LAMA3: variants seen among roughly 807,000 people sequenced by gnomAD.
The protein encoded by LAMA3 is laminin subunit alpha-3.
Under a neutral mutation model 402.0 loss-of-function variants are expected in LAMA3, and 281 were observed. The observed-to-expected ratio is 0.70, with a 90% confidence interval of 0.63 to 0.77. LAMA3 has a LOEUF of 0.77. Ranked by LOEUF, LAMA3 falls within the 30% of genes least tolerant of loss-of-function variation. The pLI, the probability that LAMA3 is intolerant of heterozygous loss-of-function variation, is 0.00. For synonymous variants in LAMA3, 1,431 were observed against 1,558.4 expected (o/e 0.92, Z 1.93); for missense variants, 3,840 against 4,215.5 (o/e 0.91, Z 2.47).
chr18:23,881,930 C>T lies in LAMA3; in HGVS notation c.5113-6C>T, dbSNP rs1252736137. 3 of 1,598,650 alleles carry T rather than the reference C, an allele frequency of 1.9e-6. No homozygotes were observed. In the African/African-American group the frequency reaches 4.0e-5, roughly 21 times the overall value. Reference sequence around the variant, plus strand: ...GCTGTGAATTGTGCTGTTCACCTGTCCCCAGAACTGTCAGCACAACACCGC... The same window carrying T: ...GCTGTGAATTGTGCTGTTCACCTGTTCCCAGAACTGTCAGCACAACACCGC... On this transcript the variant is annotated splice_polypyrimidine_tract_variant and splice_region_variant and intron_variant, in intron 39 of 74. Coordinates refer to ENST00000313654, the MANE Select transcript of LAMA3 (RefSeq NM_198129.4).
At chr18:23,771,005 G>A (rs916948938) in intron 8 of LAMA3, among the ~76,000 whole-genome samples, 8 of 150,498 alleles carry the variant, frequency 5.3e-5, no homozygotes, top group Non-Finnish European at 8.8e-5. Context: ...TTGGGAAAAC[G>A]GCCATTTAAA....
At chr18:23,698,338 C>A (rs961789316) in intron 1 of LAMA3, among the ~76,000 whole-genome samples, 8 of 151,840 alleles carry the variant, frequency 5.3e-5, no homozygotes, top group Non-Finnish European at 1.0e-4. Context: ...TCCCGAGTAG[C>A]TGGGACTACA....
intron 25 of LAMA3, among the ~76,000 whole-genome samples, chr18:23,837,570 G>GATATATATATATAT (rs56179962): frequency 0.055 from 4,586 of 83,050 alleles, 389 homozygotes; most frequent in East Asian, 0.11. Flanking sequence ...CAGTTAATCA[G>GATATATATATATAT]ATATATATAT....
chr18:23,735,981 C>T (rs2061467348), intron 2 of LAMA3, among the ~76,000 whole-genome samples: 1 of 152,096 alleles, frequency 6.6e-6, no homozygotes, highest in African/African-American at 2.4e-5. Context: ...GCTCCTCTTT[C>T]TTATTTGTTA....
chr18:23,756,010 G>C (rs933451756), intron 6 of LAMA3, among the ~76,000 whole-genome samples: 1 of 152,168 alleles, frequency 6.6e-6, no homozygotes, highest in East Asian at 1.9e-4. Context: ...TGTGGAGTTG[G>C]ACTACATATT....
Position 23,896,754 on chromosome 18 carries a change from C to T in LAMA3, c.5613+1696C>T, listed in dbSNP as rs551789206. Among the ~76,000 whole-genome samples the T allele has an allele frequency of 2.6e-5, 4 of 152,214 alleles. No homozygotes were observed. The South Asian group carries it at 6.2e-4, about 24-fold the overall frequency. On this transcript the variant is annotated intron_variant, in intron 44 of 74. Transcript: ENST00000313654. ...ACAAATCTACAGACCTGGATCTATG[C>T]TGGAATGTTACATACTCTCAACGCC...
At chr18:23,938,469 C>T (rs1430852270) in intron 67 of LAMA3, among the ~76,000 whole-genome samples, 3 of 152,198 alleles carry the variant, frequency 2.0e-5, no homozygotes, top group Non-Finnish European at 4.4e-5. Context: ...AACTCAGTCC[C>T]ATTCAAAAGT....
intron 37 of LAMA3, among the ~76,000 whole-genome samples, chr18:23,869,305 C>T (rs908026234): frequency 6.6e-6 from 1 of 152,178 alleles, no homozygotes; most frequent in Non-Finnish European, 1.5e-5. Context: ...TTTTTGTATA[C>T]TGTTGAAATT....
chr18:23,695,991 T>A (rs1335949405), intron 1 of LAMA3, among the ~76,000 whole-genome samples: 2 of 151,892 alleles, frequency 1.3e-5, no homozygotes, highest in African/African-American at 4.8e-5. Context: ...GTTGGATAAT[T>A]CCTCCACTAC....
chr18:23,929,717 A>T (rs1284832741), intron 64 of LAMA3, among the ~76,000 whole-genome samples: 3 of 152,168 alleles, frequency 2.0e-5, no homozygotes, highest in African/African-American at 7.2e-5. Flanking sequence ...TTTTATTTTT[A>T]AAATGAGCCC....
chr18:23,795,994 ACTCT>A (rs779509714), intron 12 of LAMA3: 4 of 345,974 alleles, frequency 1.2e-5, no homozygotes, highest in South Asian at 4.6e-5. Flanking sequence ...TAGCTCGTTC[ACTCT>A]CTCTCTCTCC....
In LAMA3 at chr18:23,946,239, C is replaced by G. The variant is rs2082708126; in HGVS notation, c.9306C>G (p.Ile3102Met). The G allele has an allele frequency of 1.9e-6, 3 of 1,614,114 alleles. No homozygotes were observed. The East Asian group carries it at 6.7e-5, about 36-fold the overall frequency. The change falls in exon 70 of 75, where the codon ATC becomes ATG. Residue 3102 changes from isoleucine to methionine, a missense_variant. Around this residue, in one of 3 missense-constraint regions of LAMA3, gnomAD observed 840 missense variants for 981.9 expected, o/e 0.86. Transcript: ENST00000313654. ...TGCCTGGAAACTCCACCATCAGCAT[C>G]AGAGCGCCAGTTTACCTGGGATCAC... Reference protein sequence around the residue: ...GSLPGNSTISIRAPVYLGSPP... With the variant: ...GSLPGNSTISMRAPVYLGSPP...
Position 23,921,188 on chromosome 18 carries a change from C to A in LAMA3, c.8043+134C>A. The A allele has an allele frequency of 5.5e-6, 6 of 1,086,116 alleles. 1 individual carries two copies. In the African/African-American group the frequency reaches 9.5e-5, roughly 17 times the overall value. 67.3% of individuals were successfully genotyped at this position (1,086,116 alleles called of 1,614,324 possible). On this transcript the variant is annotated intron_variant, in intron 61 of 74. Transcript: ENST00000313654. ...TATGGATGTTAACTGAGGGATATAT[C>A]CTTTTAAAATTTGCACATTTCGGCA...
chr18:23,701,340 GT>G (rs1197255788), intron 1 of LAMA3, among the ~76,000 whole-genome samples: 1 of 152,196 alleles, frequency 6.6e-6, no homozygotes, highest in African/African-American at 2.4e-5. Flanking sequence ...CGGGCAAGTG[GT>G]CAGAAGTTAG....
At chr18:23,875,009 A>G (rs2064658914) in intron 38 of LAMA3, among the ~76,000 whole-genome samples, 1 of 152,122 alleles carries the variant, frequency 6.6e-6, no homozygotes, top group African/African-American at 2.4e-5. Context: ...GACTATAGGC[A>G]TGTGCCACCA....
intron 44 of LAMA3, 49 bp from the exon 45 acceptor site, chr18:23,898,689 A>T (rs764205983): frequency 2.0e-6 from 2 of 1,008,232 alleles, no homozygotes; most frequent in African/African-American, 3.1e-5. Context: ...GGTTGATAGG[A>T]CTTAGTCTTT....
intron 2 of LAMA3, among the ~76,000 whole-genome samples, chr18:23,742,362 T>G (rs910694221): frequency 6.6e-6 from 1 of 152,222 alleles, no homozygotes; most frequent in African/African-American, 2.4e-5. Context: ...CTGCCGTATG[T>G]AATCCTTGAT....
intron 13 of LAMA3, 88 bp downstream of exon 13, chr18:23,810,591 A>G: frequency 6.8e-7 from 1 of 1,468,492 alleles, no homozygotes; most frequent in Non-Finnish European, 9.5e-7. Context: ...AATCCCCCAC[A>G]GACTCACCAC....
At chr18:23,927,038 C>T (rs1266902265) in intron 62 of LAMA3, among the ~76,000 whole-genome samples, 1 of 152,208 alleles carries the variant, frequency 6.6e-6, no homozygotes, top group Non-Finnish European at 1.5e-5. Flanking sequence ...TCAGAAGGGA[C>T]AGAACTTGAA....
Sources: allele counts gnomAD v4.1 joint callset (sites outside exome capture counted in the v4.1 genomes callset), GRCh38; gene constraint gnomAD v4.1.1; regional missense constraint gnomAD v4.1.1; transcripts MANE v1.5; gene names NCBI Gene and HGNC (gene_info 2026-07-23, HGNC 2026-07-21).